C13orf42: variants seen among roughly 807,000 people sequenced by gnomAD.
C13orf42 encodes chromosome 13 open reading frame 42.
chr13:51,129,705 G>A (rs903099376), intron 1 of C13orf42, among the ~76,000 whole-genome samples: 16 of 151,946 alleles, frequency 1.1e-4, no homozygotes, highest in African/African-American at 3.9e-4. Context: ...ATAGAAAAAA[G>A]GATTTGTGAG....
chr13:51,135,495 T>C (rs1953650752), intron 1 of C13orf42, among the ~76,000 whole-genome samples: 1 of 151,728 alleles, frequency 6.6e-6, no homozygotes, highest in African/African-American at 2.4e-5. Context: ...TTTTTTTTAA[T>C]GTTTTTAATT....
intron 1 of C13orf42, among the ~76,000 whole-genome samples, chr13:51,105,990 T>A (rs2137996977): frequency 6.6e-6 from 1 of 152,302 alleles, no homozygotes; most frequent in East Asian, 1.9e-4. Context: ...TTTCAGGACA[T>A]AATACCTACC....
At chr13:51,160,561 T>C (rs545662447) in intron 1 of C13orf42, among the ~76,000 whole-genome samples, 5 of 152,284 alleles carry the variant, frequency 3.3e-5, no homozygotes, top group African/African-American at 1.2e-4. Flanking sequence ...TGACATACTT[T>C]ATGGTACACA....
chr13:51,131,530 C>T (rs776101152), intron 1 of C13orf42, among the ~76,000 whole-genome samples: 1 of 152,134 alleles, frequency 6.6e-6, no homozygotes, highest in Admixed American at 6.6e-5. Context: ...GGGAAAAGGC[C>T]TAAGAGCCCC....
chr13:51,157,295 G>A (rs117008047), intron 1 of C13orf42, among the ~76,000 whole-genome samples: 2,874 of 152,244 alleles, frequency 0.019, 55 homozygotes, highest in Middle Eastern at 0.031. Context: ...TTAGCTGAGC[G>A]CAGTGGTGTG....
intron 1 of C13orf42, among the ~76,000 whole-genome samples, chr13:51,164,403 T>C (rs1361499547): frequency 6.6e-6 from 1 of 152,186 alleles, no homozygotes; most frequent in African/African-American, 2.4e-5. Context: ...GGCTCATGCC[T>C]GAAACCACAG....
At chr13:51,112,202 A>G (rs1953442668), upstream of C13orf42, among the ~76,000 whole-genome samples, 1 of 152,214 alleles carries the variant, frequency 6.6e-6, no homozygotes, top group Non-Finnish European at 1.5e-5. Flanking sequence ...CTCCTAGACT[A>G]CAGTCTGAGA....
At chr13:51,161,662 G>C (rs906180455) in intron 1 of C13orf42, 2 of 178,126 alleles carry the variant, frequency 1.1e-5, no homozygotes, top group African/African-American at 4.8e-5. Flanking sequence ...CCTTCCCATG[G>C]AAACTACAAT....
chr13:51,158,403 T>C (rs1263584443), intron 1 of C13orf42, among the ~76,000 whole-genome samples: 1 of 152,238 alleles, frequency 6.6e-6, no homozygotes, highest in Non-Finnish European at 1.5e-5. Context: ...TGTTAAAATG[T>C]AAGTAATAAT....
At chr13:51,091,381 T>TC (rs1953178647) in intron 1 of C13orf42, among the ~76,000 whole-genome samples, 1 of 151,976 alleles carries the variant, frequency 6.6e-6, no homozygotes, top group Non-Finnish European at 1.5e-5. Context: ...TCCTCATTAG[T>TC]CCCCCCACTG....
intron 1 of C13orf42, chr13:51,161,918 G>T: frequency 2.0e-6 from 1 of 492,230 alleles, no homozygotes; most frequent in Non-Finnish European, 4.0e-6. Context: ...GCAGGTAAAG[G>T]CACCTGGCTG....
chr13:51,095,703 G>T lies in C13orf42; in HGVS notation c.415-7628C>A, dbSNP rs183083022. On this transcript the variant is annotated intron_variant, in intron 1 of 3. Coordinates refer to ENST00000563710, the MANE Select transcript of C13orf42 (RefSeq NM_001351589.3). ...CTGCTCATTTCCGGTCTTTTCATTTGGTTCTTTCTTATGGTTTCCATCTTT... is the reference window on the plus strand; with the variant it reads ...CTGCTCATTTCCGGTCTTTTCATTTTGTTCTTTCTTATGGTTTCCATCTTT... Among the ~76,000 whole-genome samples, 57 of 151,704 alleles carry T rather than the reference G, an allele frequency of 3.8e-4. No individual in the cohort carries two copies. In the East Asian group the frequency reaches 0.011, roughly 28 times the overall value.
At chr13:51,158,930 G>A (rs926409731) in intron 1 of C13orf42, among the ~76,000 whole-genome samples, 1 of 152,208 alleles carries the variant, frequency 6.6e-6, no homozygotes, top group African/African-American at 2.4e-5. Context: ...CAATGACAGT[G>A]GTTTTCCTTC....
At chr13:51,157,685 C>T (rs887180431) in intron 1 of C13orf42, among the ~76,000 whole-genome samples, 2 of 152,150 alleles carry the variant, frequency 1.3e-5, no homozygotes, top group African/African-American at 4.8e-5. Flanking sequence ...CCCCTACACA[C>T]GCTTGTACAG....
upstream of C13orf42, among the ~76,000 whole-genome samples, chr13:51,113,569 TG>T (rs1762714347): frequency 7.5e-4 from 6 of 8,010 alleles, no homozygotes; most frequent in South Asian, 8.8e-3. Context: ...GTGTATTTTG[TG>T]TGTGTGTGTG....
intron 1 of C13orf42, among the ~76,000 whole-genome samples, chr13:51,165,154 T>C (rs1241977787): frequency 6.6e-6 from 1 of 152,202 alleles, no homozygotes; most frequent in East Asian, 1.9e-4. Flanking sequence ...GTTCAGCCAA[T>C]GGGAGCATGA....
intron 1 of C13orf42, among the ~76,000 whole-genome samples, chr13:51,091,835 G>C (rs902301494): frequency 1.1e-4 from 17 of 152,082 alleles, no homozygotes; most frequent in South Asian, 2.1e-4. Flanking sequence ...GTGTCTCCAT[G>C]ATGACAAGAA....
At chr13:51,093,267 A>T (rs973022592) in intron 1 of C13orf42, among the ~76,000 whole-genome samples, 1 of 151,928 alleles carries the variant, frequency 6.6e-6, no homozygotes, top group Non-Finnish European at 1.5e-5. Context: ...GATTTGACTG[A>T]CTCCTTCTTC....
At chr13:51,151,547 A>G (rs534839818) in intron 1 of C13orf42, among the ~76,000 whole-genome samples, 1 of 152,210 alleles carries the variant, frequency 6.6e-6, no homozygotes, top group African/African-American at 2.4e-5. Context: ...GTTGGTGATG[A>G]TTTGTTCCAG....
Sources: allele counts gnomAD v4.1 joint callset (sites outside exome capture counted in the v4.1 genomes callset), GRCh38; gene constraint gnomAD v4.1.1; transcripts MANE v1.5; gene names NCBI Gene and HGNC (gene_info 2026-07-23, HGNC 2026-07-21).